NLRP12: variants seen among roughly 807,000 people sequenced by gnomAD.
NLRP12 encodes the protein NLR family pyrin domain containing 12, also known as NACHT, LRR and PYD domains-containing protein 12.
In NLRP12, 108 loss-of-function variants were observed where a neutral mutation model predicts 91.2. That is an observed-to-expected ratio of 1.18 (90% CI 1.01 to 1.39). The LOEUF (loss-of-function observed/expected upper bound fraction) is 1.39. Among genes scored for constraint, NLRP12 ranks in the 40% most tolerant of loss-of-function variants. The pLI, the probability that NLRP12 is intolerant of heterozygous loss-of-function variation, is 0.00. For synonymous variants in NLRP12, 613 were observed against 566.7 expected, an observed-to-expected ratio of 1.08 and a Z score of -1.16; for missense variants, 1,530 against 1,352.7, an observed-to-expected ratio of 1.13 and a Z score of -2.06.
intron 7 of NLRP12, among the ~76,000 whole-genome samples, chr19:53,798,660 G>A (rs983785094): frequency 6.6e-6 from 1 of 152,190 alleles, no homozygotes; most frequent in Non-Finnish European, 1.5e-5. Context: ...CCAGCATCTT[G>A]GGAGGCTTGA....
At chr19:53,816,732 C>A (rs144997870) in intron 1 of NLRP12, among the ~76,000 whole-genome samples, 1,906 of 151,398 alleles carry the variant, frequency 0.013, 38 homozygotes, top group African/African-American at 0.044. Context: ...AGTAGAGATG[C>A]GGTTTGACCA....
chr19:53,795,609 C>T (rs955153679), intron 9 of NLRP12, among the ~76,000 whole-genome samples: 19 of 151,424 alleles, frequency 1.3e-4, no homozygotes, highest in Non-Finnish European at 2.2e-4. Context: ...CTCCTGACCT[C>T]GTGATCCACC....
intron 3 of NLRP12, among the ~76,000 whole-genome samples, chr19:53,808,868 T>A: frequency 6.6e-6 from 1 of 151,986 alleles, no homozygotes; most frequent in Non-Finnish European, 1.5e-5. Context: ...ATCCACTAGA[T>A]GTCAGTAGTA....
At chr19:53,819,543 A>ATATACATATG (rs11281900) in intron 1 of NLRP12, among the ~76,000 whole-genome samples, 1 of 31,188 alleles carries the variant, frequency 3.2e-5, no homozygotes, top group African/African-American at 1.2e-4. Flanking sequence ...ATGTATACGT[A>ATATACATATG]TATATATGTA....
At chr19:53,822,253 T>C (rs749742094) in intron 1 of NLRP12, among the ~76,000 whole-genome samples, 1 of 152,082 alleles carries the variant, frequency 6.6e-6, no homozygotes, top group Non-Finnish European at 1.5e-5. Flanking sequence ...AATTTTTATA[T>C]AGATATAGAT....
rs10655030 is a variant in NLRP12, at chr19:53,819,598, C to CATGCGTATATATGTATACGTATATATAT, written c.289+4287_289+4288insATATATATACGTATACATATATACGCAT. Among the ~76,000 whole-genome samples the CATGCGTATATATGTATACGTATATATAT allele has an allele frequency of 1.9e-4, 5 of 25,882 alleles. 1 individual carries two copies. The highest frequency in any genetic ancestry group is 3.9e-4 in the Admixed American group (1 of 2,546). The allele number at this position is 25,882 out of a possible 152,430, so 17.0% of individuals were successfully genotyped here. On this transcript the variant is annotated intron_variant, in intron 1 of 9. Coordinates refer to ENST00000324134, the MANE Select transcript of NLRP12 (RefSeq NM_144687.4). ...GTATATATGTATGTATACGTATATA[C>CATGCGTATATATGTATACGTATATATAT]GCATATATATGTATGTATACGTATA... is the stretch of plus-strand genomic sequence containing the variant.
intron 2 of NLRP12, among the ~76,000 whole-genome samples, chr19:53,813,219 CAG>C (rs2092103792): frequency 6.6e-6 from 1 of 150,474 alleles, no homozygotes; most frequent in African/African-American, 2.4e-5. Context: ...GCATTCTAAA[CAG>C]AAACTCCATA....
In NLRP12 at chr19:53,810,188, C is replaced by G; in HGVS notation, c.1471G>C (p.Val491Leu). The change falls in exon 3 of 10, where the codon GTC becomes CTC. Residue 491 changes from valine to leucine, a missense_variant. Physicochemically the swap from Val to Leu is conservative, Grantham distance 32. Coordinates refer to ENST00000324134, the MANE Select transcript of NLRP12 (RefSeq NM_144687.4). Reference protein sequence around the residue: ...LRKHGLDGEDVSAFLNMNIFQ... With the variant: ...LRKHGLDGEDLSAFLNMNIFQ... The stretch of plus-strand genomic sequence containing the variant: ...ATGTTCATGTTGAGGAAGGCAGAGA[C>G]GTCTTCCCCGTCTAGGCCGTGCTTC... 6.2e-7 allele frequency: 1 copy of G among 1,614,130 alleles called. No homozygotes were observed. Among genetic ancestry groups the G allele is most frequent in the South Asian group, 1.1e-5 (1 of 91,084 alleles).
In NLRP12 at chr19:53,793,898, AT is replaced by A. The variant is rs1182126239; in HGVS notation, c.*150del. The A allele has an allele frequency of 1.4e-6, 1 of 722,040 alleles. No homozygotes were observed. Among genetic ancestry groups the A allele is most frequent in the Non-Finnish European group, 2.5e-6 (1 of 394,580 alleles). The allele number at this position is 722,040 out of a possible 1,614,324, so 44.7% of individuals were successfully genotyped here. A position where few individuals can be genotyped will look rare whatever the true frequency, so the allele number is the denominator to read the frequency against. On this transcript the variant is annotated 3_prime_UTR_variant, in exon 10 of 10. Coordinates refer to ENST00000324134, the MANE Select transcript of NLRP12 (RefSeq NM_144687.4). ...CCACGCCTGGCCAGCTCTGTCAAAC[AT>A]TAATTTGATCCCAAGCAGAGGGACT...
In NLRP12 at chr19:53,809,701, CA is replaced by C; in HGVS notation, c.1957del (p.Cys653ValfsTer2). Reference sequence around the variant, plus strand: ...CTGGGCGCTCCTGCAGCGCTTCAGACAGAACGAGGAGACCATGTGCTCCATC... The same window carrying C: ...CTGGGCGCTCCTGCAGCGCTTCAGACGAACGAGGAGACCATGTGCTCCATC... ...SKMEHMVSSF[C>X]LKRCRSAQVL... On this transcript the variant is annotated frameshift_variant, in exon 3 of 10. Coordinates refer to ENST00000324134, the MANE Select transcript of NLRP12 (RefSeq NM_144687.4). LOFTEE classifies it high-confidence loss of function. 1.2e-6 allele frequency: 2 copies of C among 1,614,086 alleles called. No individual in the cohort carries two copies. The highest frequency in any genetic ancestry group is 1.7e-6 in the Non-Finnish European group (2 of 1,180,018).
At chr19:53,802,025 G>A (rs1258124496) in intron 6 of NLRP12, among the ~76,000 whole-genome samples, 3 of 151,890 alleles carry the variant, frequency 2.0e-5, no homozygotes, top group African/African-American at 2.4e-5. Flanking sequence ...GTTGGGAGAT[G>A]GAGACCATCC....
At chr19:53,813,266 C>T (rs1463249180) in intron 2 of NLRP12, among the ~76,000 whole-genome samples, 1 of 149,100 alleles carries the variant, frequency 6.7e-6, no homozygotes, top group Admixed American at 6.7e-5. Flanking sequence ...TCTCCTCTCC[C>T]TGGCAACTGC....
chr19:53,802,800 G>T (rs1366794652), intron 6 of NLRP12, among the ~76,000 whole-genome samples: 1 of 152,114 alleles, frequency 6.6e-6, no homozygotes, highest in Non-Finnish European at 1.5e-5. Context: ...TAGGGACAGG[G>T]TCTCACCCTG....
intron 7 of NLRP12, among the ~76,000 whole-genome samples, chr19:53,800,241 C>T (rs778557667): frequency 3.3e-5 from 5 of 152,018 alleles, no homozygotes; most frequent in Non-Finnish European, 5.9e-5. Context: ...GGAGGTGGAG[C>T]TCGCAGTAAG....
rs775041962 is a variant in NLRP12, at chr19:53,811,295, G to A, written c.371-7C>T. 1 of 1,613,482 alleles carries A rather than the reference G, an allele frequency of 6.2e-7. No individual in the cohort carries two copies. Among genetic ancestry groups the A allele is most frequent in the Non-Finnish European group, 8.5e-7 (1 of 1,180,010 alleles). ...CTGTAGGTTTCCTGGGGATCTAGGG[G>A]AGAGGAATGAAGGTTTTGTGGAAGA... On this transcript the variant is annotated splice_region_variant and splice_polypyrimidine_tract_variant and intron_variant, in intron 2 of 9. Coordinates refer to ENST00000324134, the MANE Select transcript of NLRP12 (RefSeq NM_144687.4).
At position 53,805,627 on chromosome 19, in the gene NLRP12, C is replaced by G. The variant is rs1311777072; in HGVS notation, c.2244-177G>C. 6 of 666,930 alleles carry G rather than the reference C, an allele frequency of 9.0e-6. No individual in the cohort carries two copies. In the South Asian group the frequency reaches 9.3e-5, roughly 10 times the overall value. The allele number at this position is 666,930 out of a possible 1,614,324, so 41.3% of individuals were successfully genotyped here. On this transcript the variant is annotated intron_variant, in intron 4 of 9. Transcript: ENST00000324134. Reference sequence around the variant, plus strand: ...CTGCCTCCTGGGTTGAAGCAATCCTCCTGCCTTGGCCTCCTGAGTAGCTGG... The same window carrying G: ...CTGCCTCCTGGGTTGAAGCAATCCTGCTGCCTTGGCCTCCTGAGTAGCTGG...
chr19:53,817,468 G>T (rs1161598039), intron 1 of NLRP12, among the ~76,000 whole-genome samples: 5 of 151,716 alleles, frequency 3.3e-5, no homozygotes, highest in Admixed American at 2.0e-4. Context: ...GGGCGCGGTG[G>T]CTCATGCCTG....
At chr19:53,812,795 T>A (rs1232528268) in intron 2 of NLRP12, among the ~76,000 whole-genome samples, 1 of 151,954 alleles carries the variant, frequency 6.6e-6, no homozygotes, top group Non-Finnish European at 1.5e-5. Flanking sequence ...TATAGTGACA[T>A]ACACATAAAA....
rs2091697976 is a variant in NLRP12 at position 53,793,973 on chromosome 19, T to G, written c.*76A>C. On this transcript the variant is annotated 3_prime_UTR_variant, in exon 10 of 10. Transcript: ENST00000324134. ...TGTCTCTAGGAAGGAGGCTGATCAT[T>G]ATGCTGGGGGGGTGATGAGCACCCT... 1.0e-6 allele frequency: 1 copy of G among 994,894 alleles called. No individual in the cohort carries two copies. Among genetic ancestry groups the G allele is most frequent in the East Asian group, 2.4e-5 (1 of 42,092 alleles). The allele number at this position is 994,894 out of a possible 1,614,324, so 61.6% of individuals were successfully genotyped here.
Sources: allele counts gnomAD v4.1 joint callset (sites outside exome capture counted in the v4.1 genomes callset), GRCh38; gene constraint gnomAD v4.1.1; transcripts MANE v1.5; gene names NCBI Gene and HGNC (gene_info 2026-07-23, HGNC 2026-07-21).